Variants in EPS8 observed in about 807,000 individuals in gnomAD.
EPS8 encodes the protein epidermal growth factor receptor kinase substrate 8.
In EPS8, 42 loss-of-function variants were observed where a neutral mutation model predicts 103.8. That is an observed-to-expected ratio of 0.40 (90% CI 0.32 to 0.52). EPS8 has a LOEUF of 0.52. EPS8 is among the 20% of genes least tolerant of loss of function. EPS8 has a pLI of 0.40. For missense variants in EPS8, 969 were observed against 1,005.1 expected, an observed-to-expected ratio of 0.96 and a Z score of 0.49; for synonymous variants, 344 against 344.6, an observed-to-expected ratio of 1.00 and a Z score of 0.02.
chr12:15,647,315 A>G, intron 14 of EPS8, 55 bp from the exon 15 acceptor site: 8 of 1,510,918 alleles, frequency 5.3e-6, no homozygotes, highest in Non-Finnish European at 7.2e-6. Context: ...TTGAATCAGC[A>G]CTCAGGTCAG....
At position 15,776,157 on chromosome 12, in the gene EPS8, T is replaced by C. The variant is rs981070576; in HGVS notation, c.-22+13004A>G. 2.0e-5 allele frequency among the ~76,000 whole-genome samples: 3 copies of C among 152,164 alleles called. No individual in the cohort carries two copies. Among genetic ancestry groups the C allele is most frequent in the African/African-American group, 7.2e-5 (3 of 41,440 alleles). On this transcript the variant is annotated intron_variant, in intron 1 of 20. Coordinates refer to ENST00000281172, the MANE Select transcript of EPS8 (RefSeq NM_004447.6). This position sits in a 1 kb window ranked among gnomAD's most constrained non-coding sequence, Gnocchi z 4.2. Reference sequence around the variant, plus strand: ...AAAAGAAATTTTTGCCCAAGTATTCTCCTTTCCAGTGATTGGTATGGTTGA... The same window carrying C: ...AAAAGAAATTTTTGCCCAAGTATTCCCCTTTCCAGTGATTGGTATGGTTGA...
At position 15,725,525 on chromosome 12, in the gene EPS8, C is replaced by A. The variant is rs368765173; in HGVS notation, c.-21-42553G>T. Among the ~76,000 whole-genome samples, 2 of 151,076 alleles carry A rather than the reference C, an allele frequency of 1.3e-5. No individual in the cohort carries two copies. Among genetic ancestry groups the A allele is most frequent in the Non-Finnish European group, 2.9e-5 (2 of 67,916 alleles). On this transcript the variant is annotated intron_variant, in intron 1 of 20. Coordinates refer to ENST00000281172, the MANE Select transcript of EPS8 (RefSeq NM_004447.6). The surrounding 1 kb of genome is among the most constrained non-coding windows in gnomAD (Gnocchi z 4.5). ...GTGCACATACATTTTGTAGTTTACA[C>A]GGCACTTCATTTACATTGTCCTGCC...
intron 1 of EPS8, among the ~76,000 whole-genome samples, chr12:15,741,728 T>C (rs894802034): frequency 6.6e-5 from 10 of 152,170 alleles, no homozygotes; most frequent in African/African-American, 2.2e-4. Context: ...ATTAAGTCTT[T>C]TTTTTTTAAG....
rs972723566 is a variant in EPS8, at chr12:15,704,692, A to G, written c.-21-21720T>C. Among the ~76,000 whole-genome samples, 1 of 152,174 alleles carries G rather than the reference A, an allele frequency of 6.6e-6. No individual in the cohort carries two copies. Among genetic ancestry groups the G allele is most frequent in the African/African-American group, 2.4e-5 (1 of 41,444 alleles). On this transcript the variant is annotated intron_variant, in intron 1 of 20. Transcript: ENST00000281172. The surrounding 1 kb of genome is among the most constrained non-coding windows in gnomAD (Gnocchi z 4.6). ...CAACAATGTGAATACACTTAATGAC[A>G]ATAAACTATACATTTAAAGATGGTT...
Position 15,749,018 on chromosome 12 carries a change from A to G in EPS8, c.-22+40143T>C, listed in dbSNP as rs1194526366. Among the ~76,000 whole-genome samples the G allele has an allele frequency of 6.6e-6, 1 of 152,060 alleles. No homozygotes were observed. The highest frequency in any genetic ancestry group is 6.5e-5 in the Admixed American group (1 of 15,276). On this transcript the variant is annotated intron_variant, in intron 1 of 20. Coordinates refer to ENST00000281172, the MANE Select transcript of EPS8 (RefSeq NM_004447.6). The surrounding 1 kb of genome is among the most constrained non-coding windows in gnomAD (Gnocchi z 4.0). ...CAAATACTGAGACAACTGATGCTAG[A>G]GAGAACTTAAGGCCCTTTTAACTAT...
chr12:15,783,688 T>G (rs995744762), intron 1 of EPS8, among the ~76,000 whole-genome samples: 4 of 150,360 alleles, frequency 2.7e-5, no homozygotes, highest in African/African-American at 7.4e-5. Context: ...ACAATTCCAT[T>G]TTCACAAAGA....
At chr12:15,623,021 G>T in intron 20 of EPS8, 137 bp downstream of exon 20, 3 of 792,706 alleles carry the variant, frequency 3.8e-6, no homozygotes, top group Non-Finnish European at 5.9e-6. Flanking sequence ...GATGATCTCA[G>T]TGACAAATTT....
rs1303895294 is a variant in EPS8, at chr12:15,757,503, G to A, written c.-22+31658C>T. On this transcript the variant is annotated intron_variant, in intron 1 of 20. Coordinates refer to ENST00000281172, the MANE Select transcript of EPS8 (RefSeq NM_004447.6). The surrounding 1 kb of genome is among the most constrained non-coding windows in gnomAD (Gnocchi z 4.1). Reference sequence around the variant, plus strand: ...AAATTAGCTAGGCGTGGTGGCGCATGCCTGTAATCCCAGTTGCTCAGGAGG... The same window carrying A: ...AAATTAGCTAGGCGTGGTGGCGCATACCTGTAATCCCAGTTGCTCAGGAGG... 6.6e-6 allele frequency among the ~76,000 whole-genome samples: 1 copy of A among 152,086 alleles called. No individual in the cohort carries two copies. The highest frequency in any genetic ancestry group is 2.4e-5 in the African/African-American group (1 of 41,406).
intron 14 of EPS8, among the ~76,000 whole-genome samples, chr12:15,647,977 A>T (rs1218998709): frequency 1.3e-5 from 2 of 152,246 alleles, no homozygotes; most frequent in Non-Finnish European, 2.9e-5. Context: ...TTAGATTCTC[A>T]TAAGAAGCGT....
intron 1 of EPS8, among the ~76,000 whole-genome samples, chr12:15,740,494 G>A (rs970124966): frequency 2.0e-5 from 3 of 151,862 alleles, no homozygotes; most frequent in African/African-American, 7.3e-5. Context: ...GCGGTGAACC[G>A]AGATCATGCC....
chr12:15,775,370 A>T (rs1947197708), intron 1 of EPS8, among the ~76,000 whole-genome samples: 1 of 152,112 alleles, frequency 6.6e-6, no homozygotes, highest in Non-Finnish European at 1.5e-5. Flanking sequence ...TCTGATCTTA[A>T]ATTGACCTTA....
intron 1 of EPS8, among the ~76,000 whole-genome samples, chr12:15,775,260 T>C (rs755451316): frequency 2.0e-5 from 3 of 152,312 alleles, no homozygotes; most frequent in South Asian, 2.1e-4. Context: ...GTGTTACATA[T>C]GAATTCATTT....
In EPS8 at chr12:15,742,334, T is replaced by G. The variant is rs1459597520; in HGVS notation, c.-22+46827A>C. 7.2e-5 allele frequency among the ~76,000 whole-genome samples: 11 copies of G among 152,188 alleles called. No individual in the cohort carries two copies. The East Asian group carries it at 2.1e-3, about 29-fold the overall frequency. On this transcript the variant is annotated intron_variant, in intron 1 of 20. Transcript: ENST00000281172. ...AACTAGTTTACGGTCCCACCAACAG[T>G]GTAAAAGCATTCCTGTTTCTCCACA...
At chr12:15,753,189 T>C (rs1281901995) in intron 1 of EPS8, among the ~76,000 whole-genome samples, 1 of 152,130 alleles carries the variant, frequency 6.6e-6, no homozygotes, top group Non-Finnish European at 1.5e-5. Context: ...CATTTATGTG[T>C]CTCCGAAACA....
rs150746748 is a variant in EPS8, at chr12:15,638,334, A to G, written c.1821+2369T>C. On this transcript the variant is annotated intron_variant, in intron 17 of 20. Coordinates refer to ENST00000281172, the MANE Select transcript of EPS8 (RefSeq NM_004447.6). ...TAGGAATCCTTTTAGAGTAGGATTT[A>G]TGCCAGATAGCAGATAGCAAAGCAG... Among the ~76,000 whole-genome samples, 11 of 152,294 alleles carry G rather than the reference A, an allele frequency of 7.2e-5. 1 individual carries two copies. The highest frequency in any genetic ancestry group is 4.6e-4 in the Admixed American group (7 of 15,304).
At chr12:15,726,491 C>T (rs1055490080) in intron 1 of EPS8, among the ~76,000 whole-genome samples, 3 of 151,918 alleles carry the variant, frequency 2.0e-5, no homozygotes, top group Non-Finnish European at 2.9e-5. Flanking sequence ...GTGATACATG[C>T]CAGGTAGTTA....
intron 1 of EPS8, among the ~76,000 whole-genome samples, chr12:15,712,161 T>A (rs1356847522): frequency 6.6e-6 from 1 of 152,190 alleles, no homozygotes; most frequent in Non-Finnish European, 1.5e-5. Context: ...AAATTGAATA[T>A]TTTGAAAGAG....
intron 13 of EPS8, among the ~76,000 whole-genome samples, chr12:15,653,556 G>A (rs1368190666): frequency 6.6e-6 from 1 of 152,102 alleles, no homozygotes; most frequent in Non-Finnish European, 1.5e-5. Context: ...TACCTGGACA[G>A]GCCCTTGCCC....
At chr12:15,645,065 C>T (rs1393287754) in intron 15 of EPS8, among the ~76,000 whole-genome samples, 1 of 152,064 alleles carries the variant, frequency 6.6e-6, no homozygotes, top group Admixed American at 6.5e-5. Flanking sequence ...ATTATCCCTT[C>T]ATGGAATTTC....
Sources: gnomAD v4.1 joint callset for allele counts (sites outside exome capture counted in the v4.1 genomes callset) on GRCh38, gnomAD v4.1.1 for gene constraint, Gnocchi (gnomAD v3.1) non-coding constraint, MANE v1.5 for transcripts, NCBI Gene and HGNC (gene_info 2026-07-23, HGNC 2026-07-21) for gene names.